Variants in CTU2 observed in about 807,000 individuals in gnomAD.
CTU2 encodes the protein cytoplasmic tRNA 2-thiolation protein 2.
In CTU2, 80 loss-of-function variants were observed where a neutral mutation model predicts 64.1. That is an observed-to-expected ratio of 1.25 (90% CI 1.04 to 1.50). The LOEUF is 1.50. CTU2 is among the 40% of genes most tolerant of loss of function. CTU2 has a pLI of 0.00. For synonymous variants in CTU2, 482 were observed against 285.3 expected (o/e 1.69, Z -6.95); for missense variants, 1,110 against 690.2 (o/e 1.61, Z -6.81).
Position 88,713,415 on chromosome 16 carries a change from C to A in CTU2, c.841C>A (p.Leu281Met), listed in dbSNP as rs1911529922. 5 of 1,599,948 alleles carry A rather than the reference C, an allele frequency of 3.1e-6. No individual in the cohort carries two copies. Among genetic ancestry groups the A allele is most frequent in the Middle Eastern group, 3.3e-4 (2 of 6,008 alleles). The change falls in exon 8 of 15, where the codon CTG (leucine) becomes ATG (methionine). Residue 281 changes from leucine (L) to methionine (M), a missense_variant. Transcript: ENST00000453996. ...TATCAAGCTCATGACCAACCTGGCG[C>A]TGGGTCGAGGGGCCTTCCTGGCCTG... ...LAIKLMTNLA[L>M]GRGAFLAWDT...
Position 88,714,669 on chromosome 16 carries a change from ACC to A in CTU2, c.1288_1289del (p.Pro430GlyfsTer29), listed in dbSNP as rs766775844. 3.7e-6 allele frequency: 6 copies of A among 1,611,686 alleles called. No homozygotes were observed. Among genetic ancestry groups the A allele is most frequent in the Non-Finnish European group, 5.1e-6 (6 of 1,179,640 alleles). On this transcript the variant is annotated frameshift_variant, in exon 12 of 15. Transcript: ENST00000453996. LOFTEE classifies it high-confidence loss of function. ...CCATCCCCCTGACTGAGACCCGGACACCCCCGGGGCCCTGCTGTTCTCCAGGG... is the reference window on the plus strand; with the variant it reads ...CCATCCCCCTGACTGAGACCCGGACACCCGGGGCCCTGCTGTTCTCCAGGG... ...SPIPLTETRT[P>X]PGPCCSPGVG...
intron 4 of CTU2, among the ~76,000 whole-genome samples, chr16:88,711,090 G>C (rs117180523): frequency 6.6e-6 from 1 of 152,216 alleles, no homozygotes; most frequent in East Asian, 1.9e-4. Flanking sequence ...GAGGAGTGGG[G>C]TGTTGGTCTC....
chr16:88,714,997 G>T, intron 13 of CTU2, 51 bp from the exon 14 acceptor site: 5 of 1,596,588 alleles, frequency 3.1e-6, no homozygotes, highest in Non-Finnish European at 4.3e-6. Context: ...TGGGTGGCTT[G>T]AGGGGGTGCT....
At chr16:88,711,513 G>A in intron 4 of CTU2, 122 bp from the exon 5 acceptor site, 1 of 1,008,190 alleles carries the variant, frequency 9.9e-7, no homozygotes, top group Non-Finnish European at 1.4e-6. Context: ...TAAACGCAAT[G>A]GCAGGGGAAG....
At position 88,715,036 on chromosome 16, in the gene CTU2, C is replaced by T. The variant is rs1390171919; in HGVS notation, c.1420-12C>T. 2 of 1,577,390 alleles carry T rather than the reference C, an allele frequency of 1.3e-6. No homozygotes were observed. Among genetic ancestry groups the T allele is most frequent in the Admixed American group, 3.5e-5 (2 of 57,678 alleles). ...AGGTTTCTTGGCCCCTCGACACCGG[C>T]CTCTGTTGCAGCCCTCACTGGACCC... On this transcript the variant is annotated splice_polypyrimidine_tract_variant and intron_variant, in intron 13 of 14. Transcript: ENST00000453996.
rs1478468056 is a variant in CTU2, at chr16:88,715,332, C to G, written c.*81C>G. 12 of 1,422,024 alleles carry G rather than the reference C, an allele frequency of 8.4e-6. No individual in the cohort carries two copies. The highest frequency in any genetic ancestry group is 2.1e-5 in the Admixed American group (1 of 48,716). 88.1% of individuals were successfully genotyped at this position (1,422,024 alleles called of 1,614,324 possible). A position where few individuals can be genotyped will look rare whatever the true frequency, so the allele number is the denominator to read the frequency against. On this transcript the variant is annotated 3_prime_UTR_variant, in exon 15 of 15. Coordinates refer to ENST00000453996, the MANE Select transcript of CTU2 (RefSeq NM_001012759.3). ...GGAGCCGGAAGGCAAGGACGGGGGA[C>G]TGGCCTCTGATTGTCCATTTGTATA...
intron 1 of CTU2, chr16:88,706,927 G>C (rs1910898965): frequency 3.4e-6 from 2 of 584,580 alleles, no homozygotes; most frequent in South Asian, 4.5e-5. Context: ...TGTGCCCCCT[G>C]AGCCGGCTTT....
chr16:88,710,063 A>C, intron 3 of CTU2, 47 bp downstream of exon 3: 1 of 1,603,562 alleles, frequency 6.2e-7, no homozygotes, highest in Non-Finnish European at 8.5e-7. Context: ...TGGCCCCTCG[A>C]GGTCCCTGCT....
At position 88,714,819 on chromosome 16, in the gene CTU2, G is replaced by A. The variant is rs185977195; in HGVS notation, c.1353-41G>A. The A allele has an allele frequency of 3.3e-4, 536 of 1,611,520 alleles. 8 individuals carry two copies. In the Admixed American group the frequency reaches 8.3e-3, roughly 25 times the overall value. ...TCCTTACCCCACACTGCACGGCATTGAGGTGCCAAGGTGGGCACACAGCCA... is the reference window on the plus strand; with the variant it reads ...TCCTTACCCCACACTGCACGGCATTAAGGTGCCAAGGTGGGCACACAGCCA... On this transcript the variant is annotated intron_variant, in intron 12 of 14. Transcript: ENST00000453996.
chr16:88,715,245 G>C lies in CTU2; in HGVS notation c.1542G>C (p.Gln514His). Residue 514 changes from glutamine (Q) to histidine (H), a missense_variant, in exon 15 of 15, where the codon CAG (glutamine) becomes CAC (histidine). Physicochemically the swap from Gln to His is conservative, Grantham distance 24 (BLOSUM62 0). Transcript: ENST00000453996. ...LIEDSDDEAG[Q>H]S ...AGGACAGTGACGACGAGGCGGGCCA[G>C]AGCTGAGCGTGAGGACGTGCTTGCC... The C allele has an allele frequency of 1.2e-6, 2 of 1,611,726 alleles. No individual in the cohort carries two copies. The highest frequency in any genetic ancestry group is 1.7e-6 in the Non-Finnish European group (2 of 1,179,878).
At chr16:88,706,725 C>T (rs1426850182) in intron 1 of CTU2, 127 bp downstream of exon 1, 7 of 654,342 alleles carry the variant, frequency 1.1e-5, no homozygotes, top group Middle Eastern at 9.1e-4. Flanking sequence ...CTCCCTAGCA[C>T]TCGGGGAATG....
intron 2 of CTU2, among the ~76,000 whole-genome samples, chr16:88,707,480 C>T (rs1458722549): frequency 6.6e-6 from 1 of 152,130 alleles, no homozygotes; most frequent in Non-Finnish European, 1.5e-5. Flanking sequence ...GCCGTGGTGT[C>T]TAGACTGGGA....
Position 88,706,574 on chromosome 16 carries a change from AGCCGCCCCC to A in CTU2, c.46_54del (p.Pro16_Pro18del), listed in dbSNP as rs1910848855. ...GACTACGGGGAGCCGGCGCCTGAGG[AGCCGCCCCC>A]GGCGCCGCGGCCCAGGTAAGAGCTG... On this transcript the variant is annotated inframe_deletion, in exon 1 of 15. Transcript: ENST00000453996. 6.9e-7 allele frequency: 1 copy of A among 1,454,648 alleles called. No individual in the cohort carries two copies. The highest frequency in any genetic ancestry group is 2.7e-5 in the Admixed American group (1 of 37,644). 90.1% of individuals were successfully genotyped at this position (1,454,648 alleles called of 1,614,324 possible). A position where few individuals can be genotyped will look rare whatever the true frequency, so the allele number is the denominator to read the frequency against.
At chr16:88,714,332 T>C in intron 10 of CTU2, 51 bp from the exon 11 acceptor site, 1 of 1,606,086 alleles carries the variant, frequency 6.2e-7, no homozygotes, top group Non-Finnish European at 8.5e-7. Flanking sequence ...GGGCTTAGGG[T>C]GGAGCCCCAG....
intron 4 of CTU2, chr16:88,710,550 ACT>A (rs1567647271): frequency 4.2e-6 from 2 of 480,012 alleles, no homozygotes; most frequent in African/African-American, 2.0e-5. Context: ...TGTGCGGCCC[ACT>A]CTCAGATGTG....
chr16:88,713,746 C>T lies in CTU2; in HGVS notation c.973C>T (p.Pro325Ser), dbSNP rs761917756. ...VAFYNRLFSV[P>S]SVFTPAVDTK... ...TTTCTACAACCGCCTGTTCTCCGTT[C>T]CTTCTGTCTTCACACCAGCCGTCGA... The change falls in exon 9 of 15, where the codon CCT (proline) becomes TCT (serine). Residue 325 changes from proline (P) to serine (S), a missense_variant. Transcript: ENST00000453996. 3.7e-6 allele frequency: 6 copies of T among 1,612,582 alleles called. No individual in the cohort carries two copies. The highest frequency in any genetic ancestry group is 3.3e-5 in the Admixed American group (2 of 60,004).
intron 12 of CTU2, 28 bp from the exon 13 acceptor site, chr16:88,714,832 G>A: frequency 1.2e-6 from 2 of 1,612,300 alleles, no homozygotes; most frequent in Non-Finnish European, 8.5e-7. Context: ...GTGCCAAGGT[G>A]GGCACACAGC....
Position 88,712,515 on chromosome 16 carries a change from C to T in CTU2, c.454-107C>T, listed in dbSNP as rs371957279. On this transcript the variant is annotated intron_variant, in intron 6 of 14. Transcript: ENST00000453996. ...CGGTGGGGGGTGGGAGGCACCTGCC[C>T]GTGCCCCAGCCTCACTGCCGTCTCC... is the stretch of plus-strand genomic sequence containing the variant. 3,207 of 1,488,506 alleles carry T rather than the reference C, an allele frequency of 2.2e-3. 7 individuals carry two copies. The highest frequency in any genetic ancestry group is 2.7e-3 in the Non-Finnish European group (2,999 of 1,102,562). 92.2% of individuals were successfully genotyped at this position (1,488,506 alleles called of 1,614,324 possible). A position where few individuals can be genotyped will look rare whatever the true frequency, so the allele number is the denominator to read the frequency against.
At chr16:88,714,060 C>A in intron 9 of CTU2, 76 bp from the exon 10 acceptor site, 1 of 1,407,152 alleles carries the variant, frequency 7.1e-7, no homozygotes, top group Non-Finnish European at 1.0e-6. Flanking sequence ...ACCCACGGCA[C>A]CTGTCCTGGG....
Sources: allele counts gnomAD v4.1 joint callset (sites outside exome capture counted in the v4.1 genomes callset), GRCh38; gene constraint gnomAD v4.1.1; transcripts MANE v1.5; gene names NCBI Gene and HGNC (gene_info 2026-07-23, HGNC 2026-07-21).